Variants in TSLP observed in about 807,000 individuals in gnomAD.
The protein encoded by TSLP is thymic stroma-derived lymphopoietin.
A neutral mutation model predicts 12.4 loss-of-function variants in TSLP; 12 were observed. The ratio of observed to expected loss-of-function variants is 0.97; its 90% CI spans 0.62 to 1.57. The LOEUF (loss-of-function observed/expected upper bound fraction) is 1.57, where lower values mean the gene tolerates loss of function less well. TSLP is among the 40% of genes most tolerant of loss of function. The pLI is 0.00. For synonymous variants in TSLP, 97 were observed against 69.5 expected, an observed-to-expected ratio of 1.40 and a Z score of -1.97; for missense variants, 222 against 189.6, an observed-to-expected ratio of 1.17 and a Z score of -1.00.
At chr5:111,073,306 C>T in intron 2 of TSLP, 1 of 1,424,586 alleles carries the variant, frequency 7.0e-7, no homozygotes, top group Non-Finnish European at 9.1e-7. Context: ...CGACGAGTGC[C>T]CTCCGCCACC....
At chr5:111,073,146 G>T (rs747744582) in intron 2 of TSLP, among the ~76,000 whole-genome samples, 2 of 152,242 alleles carry the variant, frequency 1.3e-5, no homozygotes, top group Non-Finnish European at 2.9e-5. Flanking sequence ...TCTCTATCCG[G>T]AGGAAAGGCA....
Position 111,072,913 on chromosome 5 carries a change from C to A in TSLP, c.197C>A (p.Thr66Asn), listed in dbSNP as rs752969032. Reference sequence around the variant, plus strand: ...ACCAAAAGTACCGAGTTCAACAACACCGTCTCTTGTAGCAATCGGGTGAGT... The same window carrying A: ...ACCAAAAGTACCGAGTTCAACAACAACGTCTCTTGTAGCAATCGGGTGAGT... ...SGTKSTEFNN[T>N]VSCSNRPHCL... Residue 66 changes from threonine (T) to asparagine (N), a missense_variant, in exon 2 of 4, where the codon ACC becomes AAC. By Grantham distance (65) the Thr-to-Asn change is moderately conservative. Transcript: ENST00000344895. The A allele has an allele frequency of 3.1e-6, 5 of 1,614,230 alleles. No individual in the cohort carries two copies. Among genetic ancestry groups the A allele is most frequent in the Non-Finnish European group, 4.2e-6 (5 of 1,180,038 alleles).
At chr5:111,071,173 G>A, upstream of TSLP, 1 of 325,900 alleles carries the variant, frequency 3.1e-6, no homozygotes, top group Non-Finnish European at 5.5e-6. Flanking sequence ...TAAGGTTCTG[G>A]TCACGGTTGC....
chr5:111,075,913 G>C (rs1411622189), intron 3 of TSLP, 33 bp from the exon 4 acceptor site: 3 of 1,603,582 alleles, frequency 1.9e-6, no homozygotes, highest in Non-Finnish European at 2.6e-6. Flanking sequence ...ATAGTGAAAA[G>C]TAATTTTGAC....
chr5:111,073,320 G>A, intron 2 of TSLP, 191 bp from the exon 3 acceptor site: 3 of 1,432,292 alleles, frequency 2.1e-6, no homozygotes, highest in Non-Finnish European at 9.1e-7. Flanking sequence ...CGCCACCCTC[G>A]CCACGCCCCT....
intron 3 of TSLP, among the ~76,000 whole-genome samples, chr5:111,074,617 A>G (rs1397382212): frequency 1.4e-5 from 2 of 146,978 alleles, no homozygotes; most frequent in African/African-American, 2.5e-5. Context: ...GTAGATGGAC[A>G]CGACTGTCAC....
chr5:111,075,899 A>G (rs543101378), intron 3 of TSLP, 47 bp from the exon 4 acceptor site: 5 of 1,597,768 alleles, frequency 3.1e-6, no homozygotes, highest in South Asian at 1.1e-5. Context: ...AACAGTTACT[A>G]AAGATAGTGA....
Position 111,076,704 on chromosome 5 carries a change from TTTAA to T in TSLP, c.*633_*636del, listed in dbSNP as rs1752516337. 6.6e-6 allele frequency: 1 copy of T among 152,162 alleles called. No individual in the cohort carries two copies. The highest frequency in any genetic ancestry group is 6.5e-5 in the Admixed American group (1 of 15,278). The allele number at this position is 152,162 out of a possible 1,614,324, so 9.4% of individuals were successfully genotyped here. On this transcript the variant is annotated 3_prime_UTR_variant, in exon 4 of 4. Coordinates refer to ENST00000344895, the MANE Select transcript of TSLP (RefSeq NM_033035.5). ...TATACATATAAATTATAGAATCTAC[TTTAA>T]TTTATTTTGTGAACACTTTTGAAAA...
At position 111,073,528 on chromosome 5, in the gene TSLP, A is replaced by G; in HGVS notation, c.234A>G (p.Glu78=). Residue 78 remains glutamate, a synonymous_variant, in exon 3 of 4, where the codon GAA becomes GAG. Transcript: ENST00000344895. ...SCSNRPHCLT[E]IQSLTFNPTA... is the part of the protein sequence containing the mutation. ...ATGAGCAGCCACATTGCCTTACTGA[A>G]ATCCAGAGCCTAACCTTCAATCCCA... The G allele has an allele frequency of 6.2e-7, 1 of 1,614,064 alleles. No individual in the cohort carries two copies. The highest frequency in any genetic ancestry group is 8.5e-7 in the Non-Finnish European group (1 of 1,180,012).
upstream of TSLP, chr5:111,071,354 C>A: frequency 8.0e-7 from 1 of 1,251,724 alleles, no homozygotes; most frequent in Non-Finnish European, 1.1e-6. Context: ...GGGACATATG[C>A]AAGGACTCCA....
upstream of TSLP, chr5:111,071,543 C>A: frequency 6.5e-7 from 1 of 1,541,206 alleles, no homozygotes; most frequent in Non-Finnish European, 8.7e-7. Context: ...GATGACTTTA[C>A]TGATGTTAAA....
Position 111,077,016 on chromosome 5 carries a change from A to AT in TSLP, c.*948dup, listed in dbSNP as rs1023165593. ...TCTTAAATTATGTCACTAGTCTTTTATTTTTTCCCCTCTTGAACTTTCCTC... is the reference window on the plus strand; with the variant it reads ...TCTTAAATTATGTCACTAGTCTTTTATTTTTTTCCCCTCTTGAACTTTCCTC... On this transcript the variant is annotated 3_prime_UTR_variant, in exon 4 of 4. Coordinates refer to ENST00000344895, the MANE Select transcript of TSLP (RefSeq NM_033035.5). 2 of 152,050 alleles carry AT rather than the reference A, an allele frequency of 1.3e-5. No individual in the cohort carries two copies. The highest frequency in any genetic ancestry group is 1.5e-5 in the Non-Finnish European group (1 of 68,002). 9.4% of individuals were successfully genotyped at this position (152,050 alleles called of 1,614,324 possible). A position where few individuals can be genotyped will look rare whatever the true frequency, so the allele number is the denominator to read the frequency against.
At chr5:111,072,958 G>C (rs377004242) in intron 2 of TSLP, 26 bp downstream of exon 2, 2 of 1,613,524 alleles carry the variant, frequency 1.2e-6, no homozygotes, top group Admixed American at 1.7e-5. Flanking sequence ...AGTGCTGCTG[G>C]CTTTCTCCAG....
At chr5:111,071,312 A>G (rs1752332191), upstream of TSLP, 3 of 826,072 alleles carry the variant, frequency 3.6e-6, no homozygotes, top group Admixed American at 1.1e-4. Flanking sequence ...GAAAGTGGCC[A>G]CAGGAAATGC....
upstream of TSLP, chr5:111,070,425 G>C (rs890653324): frequency 1.3e-5 from 2 of 152,948 alleles, no homozygotes; most frequent in Non-Finnish European, 2.9e-5. Flanking sequence ...GCGGGGGTGA[G>C]GGGTGCGATG....
chr5:111,070,327 G>C (rs1224569672), upstream of TSLP: 1 of 152,446 alleles, frequency 6.6e-6, no homozygotes, highest in Admixed American at 6.5e-5. Flanking sequence ...ACTCACACAC[G>C]GCGTCCAACC....
rs1580378368 is a variant in TSLP at position 111,075,804 on chromosome 5, G to A, written c.352-142G>A. On this transcript the variant is annotated intron_variant, in intron 3 of 3. Transcript: ENST00000344895. ...ACAGGAAGGCATTCCCCTGGAAAAG[G>A]CACATGCTAGCACATAGTAAGCAGG... 10 of 807,734 alleles carry A rather than the reference G, an allele frequency of 1.2e-5. No homozygotes were observed. The East Asian group carries it at 2.2e-4, about 18-fold the overall frequency. The allele number at this position is 807,734 out of a possible 1,614,324, so 50.0% of individuals were successfully genotyped here.
At chr5:111,073,730 AT>A in intron 3 of TSLP, 85 bp downstream of exon 3, 2 of 1,446,218 alleles carry the variant, frequency 1.4e-6, no homozygotes, top group Non-Finnish European at 1.9e-6. Context: ...TCGTTCTCTT[AT>A]TTTTATTTAG....
chr5:111,070,963 CG>C (rs1752326415), upstream of TSLP: 1 of 152,554 alleles, frequency 6.6e-6, no homozygotes, highest in African/African-American at 2.4e-5. Context: ...GGTGGCTGGG[CG>C]CTGGAATTTG....
Sources: gnomAD v4.1 joint callset for allele counts (sites outside exome capture counted in the v4.1 genomes callset) on GRCh38, gnomAD v4.1.1 for gene constraint, MANE v1.5 for transcripts, NCBI Gene and HGNC (gene_info 2026-07-23, HGNC 2026-07-21) for gene names.